CHCHD3: variants seen among roughly 807,000 people sequenced by gnomAD.
CHCHD3 encodes the protein MICOS complex subunit MIC19.
Under a neutral mutation model 38.2 loss-of-function variants are expected in CHCHD3, and 20 were observed. The observed-to-expected ratio is 0.52, with a 90% CI of 0.37 to 0.76. CHCHD3 has a LOEUF of 0.76. Among genes scored for constraint, CHCHD3 ranks in the 30% least tolerant of loss-of-function variants. The probability of loss-of-function intolerance (pLI) is 0.00; values close to 1 mark genes in which losing one functional copy is unlikely to be tolerated. For missense variants in CHCHD3, 245 were observed against 279.2 expected (o/e 0.88, Z 0.87); for synonymous variants, 82 against 100.0 (o/e 0.82, Z 1.07).
intron 4 of CHCHD3, chr7:132,972,909 A>C: frequency 1.0e-6 from 1 of 985,458 alleles, no homozygotes; most frequent in African/African-American, 1.7e-5. Context: ...TACACAAAGC[A>C]GTAAAGACAG....
intron 4 of CHCHD3, among the ~76,000 whole-genome samples, chr7:132,938,649 G>T (rs1485687914): frequency 6.6e-6 from 1 of 152,108 alleles, no homozygotes; most frequent in African/African-American, 2.4e-5. Flanking sequence ...AAATTGGAAT[G>T]CAAGAAAGCT....
chr7:132,855,051 T>C (rs1808313926), intron 5 of CHCHD3, among the ~76,000 whole-genome samples: 4 of 152,246 alleles, frequency 2.6e-5, no homozygotes, highest in Admixed American at 2.6e-4. Context: ...ATCTTTATTT[T>C]ACCTACCAGG....
intron 6 of CHCHD3, among the ~76,000 whole-genome samples, chr7:132,823,265 G>A (rs566708601): frequency 6.6e-6 from 1 of 152,066 alleles, no homozygotes; most frequent in East Asian, 1.9e-4. Flanking sequence ...TTATCCATGG[G>A]GGATACATTC....
At chr7:132,930,492 C>A (rs1050870575) in intron 4 of CHCHD3, among the ~76,000 whole-genome samples, 6 of 152,072 alleles carry the variant, frequency 3.9e-5, no homozygotes, top group African/African-American at 1.4e-4. Context: ...TCATTCCAAC[C>A]TCAGCAATGT....
At chr7:132,892,809 C>T (rs1809398046) in intron 4 of CHCHD3, among the ~76,000 whole-genome samples, 1 of 152,226 alleles carries the variant, frequency 6.6e-6, no homozygotes, top group Admixed American at 6.5e-5. Flanking sequence ...GCCTTAGCAG[C>T]TTTCATGTGA....
intron 3 of CHCHD3, among the ~76,000 whole-genome samples, chr7:132,995,890 C>T (rs1812401758): frequency 6.6e-6 from 1 of 152,028 alleles, no homozygotes; most frequent in Non-Finnish European, 1.5e-5. Flanking sequence ...TTGTGAAGTA[C>T]CTCCTTGTGC....
intron 7 of CHCHD3, among the ~76,000 whole-genome samples, chr7:132,789,134 C>A (rs17166758): frequency 1.3e-5 from 2 of 152,036 alleles, no homozygotes; most frequent in African/African-American, 2.4e-5. Context: ...GTATTGGTTC[C>A]GTAAGTACTG....
chr7:132,882,847 T>G (rs757831889), intron 5 of CHCHD3, among the ~76,000 whole-genome samples: 14 of 152,066 alleles, frequency 9.2e-5, no homozygotes, highest in Admixed American at 3.3e-4. Flanking sequence ...TCATTTAACA[T>G]TTACTAACTC....
At chr7:133,022,419 T>C (rs1813208953) in intron 3 of CHCHD3, 1 of 456,624 alleles carries the variant, frequency 2.2e-6, no homozygotes, top group Non-Finnish European at 4.4e-6. Flanking sequence ...AACGTATACA[T>C]GTTCTGTGAC....
chr7:132,854,872 T>C (rs1316665256), intron 5 of CHCHD3, among the ~76,000 whole-genome samples: 2 of 152,144 alleles, frequency 1.3e-5, no homozygotes, highest in Admixed American at 6.6e-5. Context: ...ATTCTTCCTA[T>C]ACAAGGGAAC....
chr7:132,902,260 C>T (rs1015846208), intron 4 of CHCHD3, among the ~76,000 whole-genome samples: 6 of 152,120 alleles, frequency 3.9e-5, no homozygotes, highest in African/African-American at 1.4e-4. Flanking sequence ...GACAGTGTGG[C>T]GATTCCTCAG....
intron 5 of CHCHD3, among the ~76,000 whole-genome samples, chr7:132,869,034 C>T (rs914856298): frequency 2.0e-5 from 3 of 152,128 alleles, no homozygotes; most frequent in South Asian, 2.1e-4. Flanking sequence ...AAATGCATCA[C>T]GAAAAAGCAA....
intron 5 of CHCHD3, among the ~76,000 whole-genome samples, chr7:132,842,520 T>C (rs2117101966): frequency 6.6e-6 from 1 of 152,334 alleles, no homozygotes; most frequent in African/African-American, 2.4e-5. Context: ...TTCCCACTAA[T>C]GTTCGTTTTC....
intron 6 of CHCHD3, among the ~76,000 whole-genome samples, chr7:132,796,951 T>C (rs538229761): frequency 6.6e-6 from 1 of 152,218 alleles, no homozygotes; most frequent in South Asian, 2.1e-4. Flanking sequence ...GTCCTCCTGC[T>C]CCACACTCAC....
chr7:132,920,595 CGTCATGAAAAAGCAAAAATG>C (rs1231687701), intron 4 of CHCHD3, among the ~76,000 whole-genome samples: 2 of 152,072 alleles, frequency 1.3e-5, no homozygotes, highest in Non-Finnish European at 2.9e-5. Context: ...TTTACTCTGT[CGTCATGAAAAAGCAAAAATG>C]GTCATGAAGG....
At chr7:132,918,337 T>G (rs1430296126) in intron 4 of CHCHD3, among the ~76,000 whole-genome samples, 1 of 152,126 alleles carries the variant, frequency 6.6e-6, no homozygotes, top group African/African-American at 2.4e-5. Context: ...AAAATGAAGC[T>G]AACCATCGGA....
chr7:132,943,836 T>G (rs895065527), intron 4 of CHCHD3, among the ~76,000 whole-genome samples: 3 of 152,144 alleles, frequency 2.0e-5, no homozygotes, highest in African/African-American at 7.2e-5. Context: ...TCTATTTCAC[T>G]ATCTGTCTCT....
chr7:132,887,163 T>C (rs1454158396), intron 4 of CHCHD3, among the ~76,000 whole-genome samples: 1 of 151,904 alleles, frequency 6.6e-6, no homozygotes, highest in East Asian at 1.9e-4. Flanking sequence ...AATGTCACTA[T>C]GCTGTTACAG....
intron 4 of CHCHD3, among the ~76,000 whole-genome samples, chr7:132,927,981 A>G (rs913279188): frequency 3.9e-5 from 6 of 152,280 alleles, no homozygotes; most frequent in African/African-American, 1.2e-4. Context: ...AGGCCCCATA[A>G]GGCAACCCAA....
Sources: allele counts gnomAD v4.1 joint callset (sites outside exome capture counted in the v4.1 genomes callset), GRCh38; gene constraint gnomAD v4.1.1; transcripts MANE v1.5; gene names NCBI Gene and HGNC (gene_info 2026-07-23, HGNC 2026-07-21).